The following EGFL6 variants were observed in gnomAD, a reference collection of about 807,000 sequenced individuals.
EGFL6 encodes epidermal growth factor-like protein 6.
A neutral mutation model predicts 43.1 loss-of-function variants in EGFL6; 42 were observed. The observed-to-expected ratio is 0.98, with a 90% CI of 0.76 to 1.26. The LOEUF (loss-of-function observed/expected upper bound fraction) is 1.26, where lower values mean the gene tolerates loss of function less well. Ranked by LOEUF, EGFL6 falls within the 50% of genes most tolerant of loss-of-function variation. The pLI, the probability that EGFL6 is intolerant of heterozygous loss-of-function variation, is 0.00. For synonymous variants in EGFL6, 164 were observed against 163.2 expected, an observed-to-expected ratio of 1.01 and a Z score of -0.04; for missense variants, 429 against 427.8, an observed-to-expected ratio of 1.00 and a Z score of -0.02.
chrX:13,582,743 T>C (rs1199121273), intron 1 of EGFL6, among the ~76,000 whole-genome samples: 3 of 111,349 alleles, frequency 2.7e-5, no homozygotes, highest in Non-Finnish European at 5.7e-5. Flanking sequence ...AAACAGTATA[T>C]GAATTTTATC....
At chrX:13,592,306 T>G (rs7051627) in intron 2 of EGFL6, among the ~76,000 whole-genome samples, 1,371 of 111,676 alleles carry the variant, frequency 0.012, 27 homozygotes, top group African/African-American at 0.042. Context: ...CACTGGAAAT[T>G]AAATTCTCTC....
At chrX:13,602,654 A>G (rs2045640026) in intron 4 of EGFL6, among the ~76,000 whole-genome samples, 1 of 111,692 alleles carries the variant, frequency 9.0e-6, no homozygotes, top group African/African-American at 3.3e-5. Context: ...TTTATCATGC[A>G]GTAATATCTT....
intron 10 of EGFL6, among the ~76,000 whole-genome samples, chrX:13,626,448 A>G (rs1323600794): frequency 1.8e-5 from 2 of 112,413 alleles, no homozygotes; most frequent in Non-Finnish European, 3.8e-5. Context: ...GATACTTAGA[A>G]GATTTGCAGG....
intron 7 of EGFL6, among the ~76,000 whole-genome samples, chrX:13,616,091 A>G (rs1203077141): frequency 8.9e-6 from 1 of 111,955 alleles, no homozygotes; most frequent in African/African-American, 3.2e-5. Context: ...TAGATATTTT[A>G]TAGTGAGACA....
At chrX:13,626,893 G>T (rs756075177) in intron 10 of EGFL6, 118 bp from the exon 11 acceptor site, 761 of 770,831 alleles carry the variant, frequency 9.9e-4, no homozygotes, top group Middle Eastern at 2.3e-3. Context: ...AAAATGAAAA[G>T]GACTTCAGCT....
chrX:13,595,396 C>A (rs1038306799), intron 3 of EGFL6, among the ~76,000 whole-genome samples: 1 of 111,663 alleles, frequency 9.0e-6, no homozygotes, highest in Non-Finnish European at 1.9e-5. Context: ...TGTCTTAGAT[C>A]CTGGAAGTCT....
At chrX:13,608,223 A>AG in intron 6 of EGFL6, 101 bp from the exon 7 acceptor site, 1 of 1,015,194 alleles carries the variant, frequency 9.9e-7, no homozygotes, top group South Asian at 2.5e-5. Context: ...TTGGTTTGTC[A>AG]GGGGTGTTTA....
At chrX:13,608,571 C>T in intron 7 of EGFL6, 125 bp downstream of exon 7, 1 of 878,693 alleles carries the variant, frequency 1.1e-6, no homozygotes, top group Non-Finnish European at 1.6e-6. Flanking sequence ...CTTACTCTCA[C>T]TCTGTGTGTG....
In EGFL6 at chrX:13,615,222, C is replaced by T. The variant is rs779700531; in HGVS notation, c.779-2508C>T. On this transcript the variant is annotated intron_variant, in intron 7 of 11. Coordinates refer to ENST00000361306, the MANE Select transcript of EGFL6 (RefSeq NM_015507.4). Reference sequence around the variant, plus strand: ...TTATCCTTGCCCAGCTTTCTGTTTACATACTAAGAGAATGAAATTGTCAAC... The same window carrying T: ...TTATCCTTGCCCAGCTTTCTGTTTATATACTAAGAGAATGAAATTGTCAAC... Among the ~76,000 whole-genome samples, 11 of 112,731 alleles carry T rather than the reference C, an allele frequency of 9.8e-5. No homozygotes were observed. In the Admixed American group the frequency reaches 1.0e-3, roughly 11 times the overall value.
Position 13,569,813 on chromosome X carries a change from G to A in EGFL6, c.-49G>A, listed in dbSNP as rs760334724. 4 of 1,180,085 alleles carry A rather than the reference G, an allele frequency of 3.4e-6. No individual in the cohort carries two copies. The East Asian group carries it at 1.2e-4, about 35-fold the overall frequency. Reference sequence around the variant, plus strand: ...GCTTAGCTGCTACGGGGTCCGGCCGGCGCCCTCCCGAGGGGGGCTCAGGAG... The same window carrying A: ...GCTTAGCTGCTACGGGGTCCGGCCGACGCCCTCCCGAGGGGGGCTCAGGAG... On this transcript the variant is annotated 5_prime_UTR_variant, in exon 1 of 12. Transcript: ENST00000361306.
At chrX:13,574,366 G>C (rs1213566856) in intron 1 of EGFL6, among the ~76,000 whole-genome samples, 1 of 111,702 alleles carries the variant, frequency 9.0e-6, no homozygotes, top group Non-Finnish European at 1.9e-5. Flanking sequence ...AGTAAAACAG[G>C]GAACTACCAC....
intron 2 of EGFL6, among the ~76,000 whole-genome samples, chrX:13,589,980 G>T (rs2045554950): frequency 8.9e-6 from 1 of 112,446 alleles, no homozygotes; most frequent in Admixed American, 9.4e-5. Context: ...GCAAAAGCAG[G>T]CTGGTAAATT....
intron 1 of EGFL6, among the ~76,000 whole-genome samples, chrX:13,588,600 GCT>G (rs2045546039): frequency 9.0e-6 from 1 of 110,771 alleles, no homozygotes; most frequent in Admixed American, 9.7e-5. Flanking sequence ...GGGACAGGGG[GCT>G]CACCTTTTTC....
chrX:13,569,910 G>A lies in EGFL6; in HGVS notation c.49G>A (p.Ala17Thr), dbSNP rs2146957778. 8.2e-7 allele frequency: 1 copy of A among 1,212,151 alleles called. No individual in the cohort carries two copies. Among genetic ancestry groups the A allele is most frequent in the Non-Finnish European group, 1.1e-6 (1 of 895,460 alleles). ...LALPLLLSWV[A>T]GGFGNAASAR... ...GCTCCCGCTGCTGCTCTCCTGGGTG[G>A]CAGGTGGTTTCGGGAACGCGGCCAG... Residue 17 changes from alanine to threonine, a missense_variant, in exon 1 of 12, where the codon GCA becomes ACA. By Grantham distance (58) the Ala-to-Thr change is moderately conservative. Coordinates refer to ENST00000361306, the MANE Select transcript of EGFL6 (RefSeq NM_015507.4).
chrX:13,616,463 A>G (rs961592665), intron 7 of EGFL6, among the ~76,000 whole-genome samples: 1 of 110,486 alleles, frequency 9.1e-6, no homozygotes, highest in African/African-American at 3.3e-5. Flanking sequence ...TACAAAAATT[A>G]GCCAGGTGTG....
chrX:13,593,046 C>T (rs962529365), intron 2 of EGFL6, among the ~76,000 whole-genome samples: 6 of 108,473 alleles, frequency 5.5e-5, no homozygotes, highest in Non-Finnish European at 1.1e-4. Context: ...TCCCAAGTAG[C>T]TAGGATTACA....
rs1175051551 is a variant in EGFL6 at position 13,603,388 on chromosome X, TG to T, written c.473del (p.Cys158PhefsTer16). ...CACAGAAGAAGGGCCACAGTGCCTG[TG>T]TCCATCCTCAGGACTCCGCCTGGCC... is the stretch of plus-strand genomic sequence containing the variant. The part of the protein sequence containing the change: ...EDTEEGPQCL[C>X]PSSGLRLAPN... On this transcript the variant is annotated frameshift_variant, in exon 5 of 12. Coordinates refer to ENST00000361306, the MANE Select transcript of EGFL6 (RefSeq NM_015507.4). LOFTEE classifies it high-confidence loss of function. 17 of 1,209,727 alleles carry T rather than the reference TG, an allele frequency of 1.4e-5. No individual in the cohort carries two copies. Among genetic ancestry groups the T allele is most frequent in the Non-Finnish European group, 1.8e-5 (16 of 894,847 alleles).
Position 13,608,339 on chromosome X carries a change from C to T in EGFL6, c.671C>T (p.Thr224Ile), listed in dbSNP as rs1602652068. The change falls in exon 7 of 12, where the codon ACT becomes ATT. Residue 224 changes from threonine to isoleucine, a missense_variant. Thr to Ile is a moderately conservative substitution (Grantham distance 89). Coordinates refer to ENST00000361306, the MANE Select transcript of EGFL6 (RefSeq NM_015507.4). ...TCTTTTTTAGATATAAATGAATGTA[C>T]TATGGATAGCCATACGTGCAGCCAC... Reference protein sequence around the residue: ...RYDCIDINECTMDSHTCSHHA... With the variant: ...RYDCIDINECIMDSHTCSHHA... 8.3e-7 allele frequency: 1 copy of T among 1,200,408 alleles called. No homozygotes were observed. The highest frequency in any genetic ancestry group is 1.7e-5 in the African/African-American group (1 of 57,360).
chrX:13,591,939 G>C (rs2045565668), intron 2 of EGFL6, among the ~76,000 whole-genome samples: 1 of 111,903 alleles, frequency 8.9e-6, no homozygotes, highest in Non-Finnish European at 1.9e-5. Flanking sequence ...AGAGAAGTTT[G>C]GGGGAGAACC....
Sources: gnomAD v4.1 joint callset for allele counts (sites outside exome capture counted in the v4.1 genomes callset) on GRCh38, gnomAD v4.1.1 for gene constraint, MANE v1.5 for transcripts, NCBI Gene and HGNC (gene_info 2026-07-23, HGNC 2026-07-21) for gene names.